The following ADAM8 variants were observed in gnomAD, a reference collection of about 807,000 sequenced individuals.
ADAM8 encodes ADAM metallopeptidase domain 8.
A neutral mutation model predicts 102.4 loss-of-function variants in ADAM8; 104 were observed. The ratio of observed to expected loss-of-function variants is 1.02; its 90% CI spans 0.87 to 1.20. The LOEUF is 1.20. Among genes scored for constraint, ADAM8 ranks in the 50% most tolerant of loss-of-function variants. The pLI is 0.00. For synonymous variants in ADAM8, 517 were observed against 485.2 expected (o/e 1.07, Z -0.86); for missense variants, 1,132 against 1,159.0 (o/e 0.98, Z 0.34).
chr10:133,272,589 G>A lies in ADAM8; in HGVS notation c.706-4C>T, dbSNP rs1384643791. 1.2e-6 allele frequency: 2 copies of A among 1,605,730 alleles called. No homozygotes were observed. The highest frequency in any genetic ancestry group is 8.5e-7 in the Non-Finnish European group (1 of 1,176,444). On this transcript the variant is annotated splice_polypyrimidine_tract_variant and splice_region_variant and intron_variant, in intron 8 of 22. Coordinates refer to ENST00000445355, the MANE Select transcript of ADAM8 (RefSeq NM_001109.5). The stretch of plus-strand genomic sequence containing the variant: ...GGAAGTTGAGTTTCTGATATAGCTG[G>A]AGAGGTGGTGGAGTCCTGGGGGTCA...
chr10:133,268,669 C>G (rs186238109), intron 19 of ADAM8, 79 bp downstream of exon 19: 10 of 1,459,642 alleles, frequency 6.9e-6, no homozygotes, highest in Non-Finnish European at 9.3e-6. Flanking sequence ...ACCATGGGCC[C>G]GTGCTGGGCA....
Position 133,270,970 on chromosome 10 carries a change from T to C in ADAM8, c.1475A>G (p.Gln492Arg), listed in dbSNP as rs1362563599. ...RHPECPEDAF[Q>R]ENGTPCSGGY... ...CCCGGAGCAGGGCGTGCCGTTCTCC[T>C]GGAAGGCGTCTTCCGGGCACTCAGG... Residue 492 changes from glutamine to arginine, a missense_variant, in exon 14 of 23, where the codon CAG becomes CGG. Physicochemically the swap from Gln to Arg is conservative, Grantham distance 43 (BLOSUM62 1). Coordinates refer to ENST00000445355, the MANE Select transcript of ADAM8 (RefSeq NM_001109.5). The C allele has an allele frequency of 6.2e-7, 1 of 1,612,856 alleles. No homozygotes were observed.
intron 18 of ADAM8, chr10:133,269,154 A>G: frequency 1.0e-6 from 1 of 985,450 alleles, no homozygotes; most frequent in Non-Finnish European, 1.2e-6. Context: ...GGGTGGCCTC[A>G]GGGCCCCGGG....
Position 133,273,856 on chromosome 10 carries a change from G to C in ADAM8, c.307-18C>G. On this transcript the variant is annotated intron_variant, in intron 4 of 22. Coordinates refer to ENST00000445355, the MANE Select transcript of ADAM8 (RefSeq NM_001109.5). ...CAGTGGTCCTGCGGGGGAAGCAGGA[G>C]AGGGGTCCACAGGCTGTGCCCCCAT... 6.5e-7 allele frequency: 1 copy of C among 1,549,348 alleles called. No individual in the cohort carries two copies. The highest frequency in any genetic ancestry group is 8.7e-7 in the Non-Finnish European group (1 of 1,147,424).
At chr10:133,269,066 G>A (rs1846429251) in intron 18 of ADAM8, 1 of 985,370 alleles carries the variant, frequency 1.0e-6, no homozygotes, top group Admixed American at 6.1e-5. Flanking sequence ...GGGCCACAGT[G>A]CTGTGGGCAC....
chr10:133,273,695 C>T, intron 5 of ADAM8, 67 bp downstream of exon 5: 1 of 1,490,984 alleles, frequency 6.7e-7, no homozygotes, highest in Non-Finnish European at 9.1e-7. Context: ...CCCTTCCCCA[C>T]CCCCACCACA....
intron 12 of ADAM8, 22 bp downstream of exon 12, chr10:133,271,505 GC>G: frequency 6.5e-7 from 1 of 1,534,410 alleles, no homozygotes; most frequent in African/African-American, 1.4e-5. Context: ...GCTGACGGGA[GC>G]AGGTATGGGG....
chr10:133,275,623 G>GA (rs1310976015), intron 1 of ADAM8, 36 bp from the exon 2 acceptor site: 1 of 1,242,094 alleles, frequency 8.1e-7, no homozygotes, highest in Non-Finnish European at 1.1e-6. Context: ...TGAGGGGCCG[G>GA]GGGGCAGGTT....
chr10:133,268,211 G>A (rs957900412), intron 19 of ADAM8, 93 bp from the exon 20 acceptor site: 100 of 1,134,248 alleles, frequency 8.8e-5, no homozygotes, highest in Non-Finnish European at 1.1e-4. Context: ...CAGCCGACCC[G>A]AGAGGCTTCA....
In ADAM8 at chr10:133,263,200, G is replaced by A. The variant is rs1298660596; in HGVS notation, c.2431C>T (p.Pro811Ser). The A allele has an allele frequency of 6.2e-7, 1 of 1,612,968 alleles. No homozygotes were observed. The highest frequency in any genetic ancestry group is 8.5e-7 in the Non-Finnish European group (1 of 1,179,336). Residue 811 changes from proline (P) to serine (S), a missense_variant, in exon 23 of 23, where the codon CCC (proline) becomes TCC (serine). Physicochemically the swap from Pro to Ser is moderately conservative, Grantham distance 74 (BLOSUM62 -1). Coordinates refer to ENST00000445355, the MANE Select transcript of ADAM8 (RefSeq NM_001109.5). ...AVGPKVALKPPIQRKQGAGAP... is the reference protein window; with the variant it reads ...AVGPKVALKPSIQRKQGAGAP... ...CCGGCTCCTTGCTTCCTCTGGATGG[G>A]GGGCTTCAGGGCAACCTTTGGGCCA...
Position 133,265,305 on chromosome 10 carries a change from C to T in ADAM8, c.2320-1540G>A, listed in dbSNP as rs879688326. ...CCTCTGCCCCATCTACCACCACGCC[C>T]GGCTCCTGCTGCAGCCTCTGCCCCA... is the stretch of plus-strand genomic sequence containing the variant. On this transcript the variant is annotated intron_variant, in intron 21 of 22. Transcript: ENST00000445355. Among the ~76,000 whole-genome samples the T allele has an allele frequency of 1.3e-3, 185 of 146,346 alleles. 14 individuals carry two copies. The highest frequency in any genetic ancestry group is 2.3e-3 in the Non-Finnish European group (152 of 66,650).
chr10:133,269,348 A>G, intron 18 of ADAM8, 97 bp downstream of exon 18: 8 of 1,332,550 alleles, frequency 6.0e-6, no homozygotes, highest in Non-Finnish European at 7.9e-6. Context: ...CACCGTGAAC[A>G]CCACCAGCTT....
intron 11 of ADAM8, 23 bp downstream of exon 11, chr10:133,271,783 T>C (rs1355038009): frequency 6.3e-7 from 1 of 1,588,866 alleles, no homozygotes; most frequent in Non-Finnish European, 8.6e-7. Flanking sequence ...ATACCCTGGC[T>C]CTGCAGGGCC....
In ADAM8 at chr10:133,274,327, A is replaced by G. The variant is rs566991179; in HGVS notation, c.151-92T>C. 2.9e-4 allele frequency: 305 copies of G among 1,051,780 alleles called. 5 individuals carry two copies. In the South Asian group the frequency reaches 4.7e-3, roughly 16 times the overall value. The allele number at this position is 1,051,780 out of a possible 1,614,324, so 65.2% of individuals were successfully genotyped here. A position where few individuals can be genotyped will look rare whatever the true frequency, so the allele number is the denominator to read the frequency against. The stretch of plus-strand genomic sequence containing the variant: ...GCCAGAGAAGCTCAGCTGGGGGGGA[A>G]GGGGTGCCGGCCTCCAGCCCCAGGT... On this transcript the variant is annotated intron_variant, in intron 2 of 22. Coordinates refer to ENST00000445355, the MANE Select transcript of ADAM8 (RefSeq NM_001109.5).
intron 1 of ADAM8, 177 bp from the exon 2 acceptor site, chr10:133,275,764 C>A: frequency 1.9e-6 from 1 of 520,964 alleles, no homozygotes; most frequent in East Asian, 3.5e-5. Context: ...ACCCCAGGAG[C>A]GCCCCCAGGC....
In ADAM8 at chr10:133,272,794, C is replaced by A. The variant is rs1846590316; in HGVS notation, c.705+4G>T. ...GCACCTCTGCAGCCAGGACCGCTGC[C>A]CACCTTGTCCACGTGATTCACCACC... On this transcript the variant is annotated splice_donor_region_variant and intron_variant, in intron 8 of 22. Coordinates refer to ENST00000445355, the MANE Select transcript of ADAM8 (RefSeq NM_001109.5). 1 of 1,608,508 alleles carries A rather than the reference C, an allele frequency of 6.2e-7. No homozygotes were observed. Among genetic ancestry groups the A allele is most frequent in the Non-Finnish European group, 8.5e-7 (1 of 1,177,734 alleles).
chr10:133,274,000 GTC>G lies in ADAM8; in HGVS notation c.255_256del (p.Glu85AspfsTer60). The G allele has an allele frequency of 6.2e-6, 10 of 1,608,282 alleles. No homozygotes were observed. The highest frequency in any genetic ancestry group is 8.5e-6 in the Non-Finnish European group (10 of 1,178,804). ...CTCGGAGCCATTGGCAGCCGTATAG[GTC>G]TCTGTGTAGCCGGAGCCCAGCAGGT... On this transcript the variant is annotated frameshift_variant, in exon 4 of 23. Transcript: ENST00000445355. LOFTEE classifies it high-confidence loss of function.
intron 16 of ADAM8, 84 bp downstream of exon 16, chr10:133,270,276 A>G: frequency 6.7e-7 from 1 of 1,502,080 alleles, no homozygotes; most frequent in Non-Finnish European, 9.0e-7. Flanking sequence ...AGCAGCTGCC[A>G]AGCTCAGAAA....
chr10:133,269,287 C>T (rs920580002), intron 18 of ADAM8, 158 bp downstream of exon 18: 2 of 835,988 alleles, frequency 2.4e-6, no homozygotes, highest in African/African-American at 3.7e-5. Flanking sequence ...AGCCTGGGGA[C>T]AGACAGGCTC....
Sources: gnomAD v4.1 joint callset for allele counts (sites outside exome capture counted in the v4.1 genomes callset) on GRCh38, gnomAD v4.1.1 for gene constraint, MANE v1.5 for transcripts, NCBI Gene and HGNC (gene_info 2026-07-23, HGNC 2026-07-21) for gene names.